The following PRTG variants were observed in gnomAD, a reference collection of about 807,000 sequenced individuals.
PRTG encodes the protein immunoglobulin superfamily, DCC subclass, member 5.
PRTG carries 67 observed loss-of-function variants against 122.5 expected under a neutral mutation model. That is an observed-to-expected ratio of 0.55 (90% CI 0.45 to 0.67). The LOEUF is 0.67. Among genes scored for constraint, PRTG ranks in the 30% least tolerant of loss-of-function variants. The probability of loss-of-function intolerance (pLI) is 0.00; values close to 1 mark genes in which losing one functional copy is unlikely to be tolerated. For synonymous variants in PRTG, 554 were observed against 501.1 expected (o/e 1.11, Z -1.41); for missense variants, 1,435 against 1,415.4 (o/e 1.01, Z -0.22).
chr15:55,663,761 C>T (rs1460661071), intron 11 of PRTG, among the ~76,000 whole-genome samples: 1 of 152,048 alleles, frequency 6.6e-6, no homozygotes, highest in Non-Finnish European at 1.5e-5. Flanking sequence ...AGACTGGTCT[C>T]GAGCTCCTGA....
chr15:55,685,442 C>G (rs936263920), intron 2 of PRTG, among the ~76,000 whole-genome samples: 8 of 152,094 alleles, frequency 5.3e-5, no homozygotes, highest in Non-Finnish European at 8.8e-5. Flanking sequence ...TTGGTGGATC[C>G]TCAAAGTCAG....
chr15:55,624,387 T>G lies in PRTG; in HGVS notation c.3048A>C (p.Glu1016Asp). 2 of 1,614,166 alleles carry G rather than the reference T, an allele frequency of 1.2e-6. No homozygotes were observed. Among genetic ancestry groups the G allele is most frequent in the Non-Finnish European group, 1.7e-6 (2 of 1,180,012 alleles). Reference protein sequence around the residue: ...KNLEGAVGNEESLMPMIMPNS... With the variant: ...KNLEGAVGNEDSLMPMIMPNS... ...TTGGCATGATCATTGGCATTAAAGATTCTTCATTTCCTACAGCTCCTTCCA... is the reference window on the plus strand; with the variant it reads ...TTGGCATGATCATTGGCATTAAAGAGTCTTCATTTCCTACAGCTCCTTCCA... The change falls in exon 18 of 20, where the codon GAA (glutamate) becomes GAC (aspartate). Residue 1016 changes from glutamate to aspartate, a missense_variant. Glu to Asp is a conservative substitution (Grantham distance 45, BLOSUM62 2). Transcript: ENST00000389286.
Position 55,619,890 on chromosome 15 carries a change from A to T in PRTG, c.*122T>A. 1 of 1,493,392 alleles carries T rather than the reference A, an allele frequency of 6.7e-7. No homozygotes were observed. Among genetic ancestry groups the T allele is most frequent in the Non-Finnish European group, 9.0e-7 (1 of 1,111,312 alleles). 92.5% of individuals were successfully genotyped at this position (1,493,392 alleles called of 1,614,324 possible). A position where few individuals can be genotyped will look rare whatever the true frequency, so the allele number is the denominator to read the frequency against. On this transcript the variant is annotated 3_prime_UTR_variant, in exon 20 of 20. Coordinates refer to ENST00000389286, the MANE Select transcript of PRTG (RefSeq NM_173814.6). ...ATTGGAAAATCATTTTTATCAAAGC[A>T]TAGCATGGCAGATGGCGGCTGCAGA...
At chr15:55,733,825 TCAACAACAAAAACAACAA>T (rs2031319420) in intron 2 of PRTG, among the ~76,000 whole-genome samples, 1 of 152,092 alleles carries the variant, frequency 6.6e-6, no homozygotes, top group Admixed American at 6.6e-5. Flanking sequence ...AGACTCTGAC[TCAACAACAAAAACAACAA>T]CAACAACAAC....
At chr15:55,713,508 A>G (rs2030474346) in intron 2 of PRTG, among the ~76,000 whole-genome samples, 1 of 152,170 alleles carries the variant, frequency 6.6e-6, no homozygotes, top group African/African-American at 2.4e-5. Flanking sequence ...TATATTTTCA[A>G]TTTTTCCCGA....
At chr15:55,658,384 T>C (rs1313262983) in intron 11 of PRTG, among the ~76,000 whole-genome samples, 3 of 152,018 alleles carry the variant, frequency 2.0e-5, no homozygotes, top group South Asian at 4.2e-4. Flanking sequence ...GGCATGATCT[T>C]GGCTCATGGC....
chr15:55,697,230 T>A (rs1347380642), intron 2 of PRTG, among the ~76,000 whole-genome samples: 2 of 152,192 alleles, frequency 1.3e-5, no homozygotes, highest in African/African-American at 4.8e-5. Context: ...GTTTTAACCA[T>A]TCCCTACAAT....
At chr15:55,695,704 C>T (rs539568526) in intron 2 of PRTG, among the ~76,000 whole-genome samples, 4 of 152,266 alleles carry the variant, frequency 2.6e-5, no homozygotes, top group African/African-American at 9.6e-5. Flanking sequence ...GAGGGCTGGG[C>T]GCAGCGGCTC....
At chr15:55,665,514 T>TG (rs915107870) in intron 11 of PRTG, among the ~76,000 whole-genome samples, 15 of 151,860 alleles carry the variant, frequency 9.9e-5, no homozygotes, top group African/African-American at 3.6e-4. Flanking sequence ...TTTGTTTTTT[T>TG]TTTTTTTAAT....
chr15:55,733,727 T>A (rs947461021), intron 2 of PRTG, among the ~76,000 whole-genome samples: 2 of 151,826 alleles, frequency 1.3e-5, no homozygotes, highest in Non-Finnish European at 2.9e-5. Context: ...CTCGGTAGAC[T>A]GAAGAGGGAA....
chr15:55,624,966 T>G (rs1447199269), intron 17 of PRTG, among the ~76,000 whole-genome samples: 1 of 152,188 alleles, frequency 6.6e-6, no homozygotes, highest in Non-Finnish European at 1.5e-5. Flanking sequence ...ACAATAAAAC[T>G]AAGGCAATTC....
chr15:55,637,731 G>A (rs182332091), intron 14 of PRTG, among the ~76,000 whole-genome samples: 3 of 151,938 alleles, frequency 2.0e-5, no homozygotes, highest in African/African-American at 7.3e-5. Context: ...CCTGATCTAG[G>A]AGGCCAGTGA....
intron 2 of PRTG, among the ~76,000 whole-genome samples, chr15:55,723,240 A>T (rs1255652761): frequency 6.6e-6 from 1 of 152,198 alleles, no homozygotes; most frequent in Non-Finnish European, 1.5e-5. Context: ...ATCTGCCACA[A>T]GGGAAAATGT....
In PRTG at chr15:55,743,131, A is replaced by G; in HGVS notation, c.-200T>C. The G allele has an allele frequency of 1.6e-6, 2 of 1,259,166 alleles. No individual in the cohort carries two copies. Among genetic ancestry groups the G allele is most frequent in the Non-Finnish European group, 2.0e-6 (2 of 1,005,774 alleles). 78.0% of individuals were successfully genotyped at this position (1,259,166 alleles called of 1,614,324 possible). A position where few individuals can be genotyped will look rare whatever the true frequency, so the allele number is the denominator to read the frequency against. ...CCGCTCGCGAGAAGCAAGGGGCCTG[A>G]GAGTCCGGCTGGGGGCGGAGTGAGG... On this transcript the variant is annotated 5_prime_UTR_variant, in exon 1 of 20. Coordinates refer to ENST00000389286, the MANE Select transcript of PRTG (RefSeq NM_173814.6).
rs751722649 is a variant in PRTG, at chr15:55,677,946, G to A, written c.1232C>T (p.Thr411Ile). 1 of 1,613,622 alleles carries A rather than the reference G, an allele frequency of 6.2e-7. No individual in the cohort carries two copies. Reference sequence around the variant, plus strand: ...GGGTCTGTCTTCTGACATCACTACAGTCAGTCTGGCTCTAGATAAAATAGA... The same window carrying A: ...GGGTCTGTCTTCTGACATCACTACAATCAGTCTGGCTCTAGATAAAATAGA... ...QGSILSRARL[T>I]VVMSEDRPSA... Residue 411 changes from threonine to isoleucine, a missense_variant, in exon 8 of 20, where the codon ACT (threonine) becomes ATT (isoleucine). Physicochemically the swap from Thr to Ile is moderately conservative, Grantham distance 89. Transcript: ENST00000389286.
intron 11 of PRTG, among the ~76,000 whole-genome samples, chr15:55,644,245 A>G (rs2059308291): frequency 6.6e-6 from 1 of 152,234 alleles, no homozygotes; most frequent in Non-Finnish European, 1.5e-5. Flanking sequence ...CAGAAAAGGA[A>G]GGATAGGACA....
intron 13 of PRTG, among the ~76,000 whole-genome samples, chr15:55,638,955 ATCATTCATTCATTCAT>A (rs56726387): frequency 4.7e-5 from 7 of 148,248 alleles, no homozygotes; most frequent in African/African-American, 1.5e-4. Context: ...TGGAAGTCAA[ATCATTCATTCATTCAT>A]TCATTCATTC....
chr15:55,629,387 G>GTT (rs2059214555), intron 15 of PRTG, among the ~76,000 whole-genome samples: 2 of 99,524 alleles, frequency 2.0e-5, no homozygotes, highest in East Asian at 4.2e-4. Flanking sequence ...GTGTGTGTGT[G>GTT]TGTGTGTGTG....
intron 11 of PRTG, among the ~76,000 whole-genome samples, chr15:55,662,304 A>C (rs1289062843): frequency 6.6e-6 from 1 of 152,194 alleles, no homozygotes; most frequent in Non-Finnish European, 1.5e-5. Flanking sequence ...CTGTTATTTT[A>C]ATATTGTTTG....
Sources: gnomAD v4.1 joint callset for allele counts (sites outside exome capture counted in the v4.1 genomes callset) on GRCh38, gnomAD v4.1.1 for gene constraint, MANE v1.5 for transcripts, NCBI Gene and HGNC (gene_info 2026-07-23, HGNC 2026-07-21) for gene names.